PLXDC2: variants seen among roughly 807,000 people sequenced by gnomAD.
PLXDC2 encodes the protein plexin domain-containing protein 2.
PLXDC2 carries 40 observed loss-of-function variants against 68.9 expected under a neutral mutation model. The ratio of observed to expected loss-of-function variants is 0.58; its 90% CI spans 0.45 to 0.76. The LOEUF is 0.76. PLXDC2 is among the 30% of genes least tolerant of loss of function. The pLI, the probability that PLXDC2 is intolerant of heterozygous loss-of-function variation, is 0.00. For synonymous variants in PLXDC2, 243 were observed against 234.2 expected, an observed-to-expected ratio of 1.04 and a Z score of -0.34; for missense variants, 644 against 661.9, an observed-to-expected ratio of 0.97 and a Z score of 0.30.
intron 4 of PLXDC2, among the ~76,000 whole-genome samples, chr10:20,098,792 G>A (rs1210169190): frequency 2.6e-5 from 4 of 152,126 alleles, no homozygotes; most frequent in African/African-American, 4.8e-5. Context: ...TCTGACAAAT[G>A]AGACACAAGA....
chr10:20,102,805 C>T (rs901622986), intron 4 of PLXDC2, among the ~76,000 whole-genome samples: 10 of 152,194 alleles, frequency 6.6e-5, no homozygotes, highest in South Asian at 2.1e-4. Flanking sequence ...GGAAAAATGG[C>T]GGCTGGAGGT....
intron 13 of PLXDC2, among the ~76,000 whole-genome samples, chr10:20,247,955 C>T (rs908085764): frequency 9.9e-5 from 15 of 152,170 alleles, no homozygotes; most frequent in African/African-American, 3.1e-4. Context: ...TAATGTGCTT[C>T]GTTTTCTTGG....
chr10:19,841,783 A>G (rs912195990), intron 1 of PLXDC2, among the ~76,000 whole-genome samples: 1 of 152,170 alleles, frequency 6.6e-6, no homozygotes, highest in Non-Finnish European at 1.5e-5. Flanking sequence ...GATGATTTTT[A>G]TTCAGCATTG....
intron 13 of PLXDC2, among the ~76,000 whole-genome samples, chr10:20,246,800 G>A (rs1184056562): frequency 6.6e-6 from 1 of 152,096 alleles, no homozygotes; most frequent in African/African-American, 2.4e-5. Flanking sequence ...ACATGGAAAG[G>A]TTGCTTGGAA....
intron 1 of PLXDC2, among the ~76,000 whole-genome samples, chr10:19,818,654 G>C (rs1476573521): frequency 1.3e-5 from 2 of 152,146 alleles, no homozygotes; most frequent in Non-Finnish European, 2.9e-5. Flanking sequence ...AATGGACATA[G>C]GTTGTTCTTG....
chr10:19,859,428 G>A (rs1341214795), intron 1 of PLXDC2, among the ~76,000 whole-genome samples: 2 of 151,898 alleles, frequency 1.3e-5, no homozygotes, highest in African/African-American at 2.4e-5. Context: ...TTTTCAGACT[G>A]TACCTTTTGG....
Position 20,078,901 on chromosome 10 carries a change from C to T in PLXDC2, c.541+10662C>T, listed in dbSNP as rs148849446. Reference sequence around the variant, plus strand: ...GTTTGAAATATATTATTTAAATTAACCTGATTTATTTTATCATGAAAATAA... The same window carrying T: ...GTTTGAAATATATTATTTAAATTAATCTGATTTATTTTATCATGAAAATAA... On this transcript the variant is annotated intron_variant, in intron 4 of 13. Coordinates refer to ENST00000377252, the MANE Select transcript of PLXDC2 (RefSeq NM_032812.9). 8.8e-3 allele frequency among the ~76,000 whole-genome samples: 1,337 copies of T among 152,050 alleles called. 6 individuals are homozygous for T. The highest frequency in any genetic ancestry group is 0.014 in the Non-Finnish European group (965 of 67,982).
At chr10:20,272,513 A>C (rs1018896088) in intron 13 of PLXDC2, among the ~76,000 whole-genome samples, 1 of 152,178 alleles carries the variant, frequency 6.6e-6, no homozygotes, top group Non-Finnish European at 1.5e-5. Context: ...CTCTCATGGC[A>C]GCATAAACTA....
chr10:20,279,524 A>G lies in PLXDC2; in HGVS notation c.1474-179A>G, dbSNP rs189919822. On this transcript the variant is annotated intron_variant, in intron 13 of 13. Transcript: ENST00000377252. The stretch of plus-strand genomic sequence containing the variant: ...TAGATAGCGCCATCTTGGAAATGCA[A>G]GCACAGGGCTTGGAGGGTTGATAAG... Among the ~76,000 whole-genome samples the G allele has an allele frequency of 4.2e-3, 644 of 152,244 alleles. 11 individuals carry two copies. The highest frequency in any genetic ancestry group is 2.6e-3 in the Non-Finnish European group (177 of 68,008).
intron 13 of PLXDC2, among the ~76,000 whole-genome samples, chr10:20,278,165 A>G (rs1169060016): frequency 6.6e-6 from 1 of 152,208 alleles, no homozygotes; most frequent in African/African-American, 2.4e-5. Flanking sequence ...ATGTAACTGT[A>G]AATTCATGCT....
intron 4 of PLXDC2, among the ~76,000 whole-genome samples, chr10:20,128,576 G>T (rs1052606002): frequency 6.6e-6 from 1 of 152,014 alleles, no homozygotes; most frequent in African/African-American, 2.4e-5. Flanking sequence ...AACAATAGTT[G>T]TCTATGCTAT....
chr10:20,095,522 G>A (rs942225927), intron 4 of PLXDC2, among the ~76,000 whole-genome samples: 2 of 152,172 alleles, frequency 1.3e-5, no homozygotes, highest in African/African-American at 4.8e-5. Context: ...AAAGGATCAG[G>A]TGTAAGTGGA....
chr10:20,030,165 C>G (rs559039641), intron 2 of PLXDC2, among the ~76,000 whole-genome samples: 1 of 151,284 alleles, frequency 6.6e-6, no homozygotes, highest in Non-Finnish European at 1.5e-5. Context: ...TATAGTTACA[C>G]GTAGCCAGAC....
chr10:19,963,156 A>C (rs1268809848), intron 1 of PLXDC2, among the ~76,000 whole-genome samples: 1 of 152,172 alleles, frequency 6.6e-6, no homozygotes, highest in Non-Finnish European at 1.5e-5. Context: ...AGAAGTAGAC[A>C]TTAAAGGAAG....
In PLXDC2 at chr10:20,244,009, A is replaced by C. The variant is rs533842824; in HGVS notation, c.1313-1336A>C. On this transcript the variant is annotated intron_variant, in intron 12 of 13. Coordinates refer to ENST00000377252, the MANE Select transcript of PLXDC2 (RefSeq NM_032812.9). ...GGGAGGTGGAGGTTGCAGTGAGCCG[A>C]GATCACACCACTGCACTCCAGCCTG... Among the ~76,000 whole-genome samples the C allele has an allele frequency of 1.2e-4, 19 of 152,062 alleles. No homozygotes were observed. In the South Asian group the frequency reaches 4.0e-3, roughly 32 times the overall value.
chr10:19,837,816 A>C (rs1184157157), intron 1 of PLXDC2, among the ~76,000 whole-genome samples: 1 of 152,156 alleles, frequency 6.6e-6, no homozygotes, highest in Non-Finnish European at 1.5e-5. Flanking sequence ...TTCCACATAA[A>C]TCAGCAACCG....
At chr10:20,174,431 A>G (rs1232440956) in intron 7 of PLXDC2, among the ~76,000 whole-genome samples, 2 of 152,250 alleles carry the variant, frequency 1.3e-5, no homozygotes, top group African/African-American at 4.8e-5. Flanking sequence ...TTTCAGTTAT[A>G]CCAAAATTTC....
At chr10:20,024,824 T>C (rs896498838) in intron 2 of PLXDC2, among the ~76,000 whole-genome samples, 7 of 152,098 alleles carry the variant, frequency 4.6e-5, no homozygotes, top group Non-Finnish European at 7.4e-5. Context: ...GCAGTATTTG[T>C]TTTTCTGTTC....
chr10:19,869,487 T>C (rs61842781), intron 1 of PLXDC2, among the ~76,000 whole-genome samples: 1 of 26,224 alleles, frequency 3.8e-5, no homozygotes, highest in African/African-American at 1.7e-4. Context: ...GGGGAGAGGG[T>C]GGGAGGGAGG....
Sources: gnomAD v4.1 joint callset for allele counts (sites outside exome capture counted in the v4.1 genomes callset) on GRCh38, gnomAD v4.1.1 for gene constraint, MANE v1.5 for transcripts, NCBI Gene and HGNC (gene_info 2026-07-23, HGNC 2026-07-21) for gene names.